Variants in C11orf65 observed in about 807,000 individuals in gnomAD.
C11orf65 encodes the protein chromosome 11 open reading frame 65, also known as protein MFI.
C11orf65 carries 38 observed loss-of-function variants against 35.3 expected under a neutral mutation model. The observed-to-expected ratio is 1.08, with a 90% confidence interval of 0.83 to 1.41. The LOEUF is 1.41. Among genes scored for constraint, C11orf65 ranks in the 40% most tolerant of loss-of-function variants. The probability of loss-of-function intolerance (pLI) is 0.00; values close to 1 mark genes in which losing one functional copy is unlikely to be tolerated. For synonymous variants in C11orf65, 105 were observed against 114.4 expected (o/e 0.92, Z 0.53); for missense variants, 370 against 367.1 (o/e 1.01, Z -0.06).
intron 3 of C11orf65, among the ~76,000 whole-genome samples, chr11:108,422,119 G>A (rs190173088): frequency 3.7e-4 from 57 of 152,068 alleles, no homozygotes; most frequent in African/African-American, 1.3e-3. Flanking sequence ...TAGTAGAGAC[G>A]GGGTTTCACT....
chr11:108,427,515 C>A (rs1309577544), intron 3 of C11orf65, among the ~76,000 whole-genome samples: 3 of 150,814 alleles, frequency 2.0e-5, no homozygotes, highest in Non-Finnish European at 3.0e-5. Context: ...GTCAGGAGAT[C>A]GAGACCATCC....
At chr11:108,339,881 A>G (rs2087314398) in intron 2 of C11orf65, among the ~76,000 whole-genome samples, 1 of 152,186 alleles carries the variant, frequency 6.6e-6, no homozygotes, top group Admixed American at 6.5e-5. Flanking sequence ...GGGAGAGGGC[A>G]TGTAGAATAC....
intron 2 of C11orf65, among the ~76,000 whole-genome samples, chr11:108,372,434 A>C (rs1387722946): frequency 2.0e-5 from 3 of 152,272 alleles, no homozygotes; most frequent in African/African-American, 7.2e-5. Flanking sequence ...CCTCAGTGAT[A>C]TGCCCGCCTC....
chr11:108,448,533 A>C lies in C11orf65; in HGVS notation c.81+12946T>G, dbSNP rs535415662. Reference sequence around the variant, plus strand: ...ATATAAACAGAACCAAAGACAAAAAACACATGATTATCTCAATAGATTCAG... The same window carrying C: ...ATATAAACAGAACCAAAGACAAAAACCACATGATTATCTCAATAGATTCAG... On this transcript the variant is annotated intron_variant, in intron 2 of 8. Coordinates refer to ENST00000393084, the MANE Select transcript of C11orf65 (RefSeq NM_152587.5). Among the ~76,000 whole-genome samples, 391 of 152,266 alleles carry C rather than the reference A, an allele frequency of 2.6e-3. 3 individuals are homozygous for C. The highest frequency in any genetic ancestry group is 9.0e-3 in the African/African-American group (376 of 41,564).
chr11:108,411,737 A>AAAGCTT (rs1247937950), intron 3 of C11orf65, among the ~76,000 whole-genome samples: 2 of 151,866 alleles, frequency 1.3e-5, no homozygotes, highest in African/African-American at 2.4e-5. Context: ...TTTATCCCTT[A>AAAGCTT]AAGCTTAATT....
chr11:108,458,587 C>T lies in C11orf65; in HGVS notation c.81+2892G>A, dbSNP rs554247070. On this transcript the variant is annotated intron_variant, in intron 2 of 8. Coordinates refer to ENST00000393084, the MANE Select transcript of C11orf65 (RefSeq NM_152587.5). ...AGATATCATTGGGTAAAAGGTGTGC[C>T]TGTTTAACATTTGGATAAATATCAC... 2.0e-5 allele frequency among the ~76,000 whole-genome samples: 3 copies of T among 152,172 alleles called. No homozygotes were observed. The East Asian group carries it at 5.8e-4, about 29-fold the overall frequency.
At chr11:108,356,214 A>AAGTT (rs1441539769) in intron 2 of C11orf65, 1 of 152,022 alleles carries the variant, frequency 6.6e-6, no homozygotes, top group Non-Finnish European at 1.5e-5. Context: ...TTAAACTCTA[A>AAGTT]AGTTATATTA....
At chr11:108,333,771 C>T in intron 3 of C11orf65, 1 of 860,788 alleles carries the variant, frequency 1.2e-6, no homozygotes, top group African/African-American at 1.7e-5. Flanking sequence ...TCAATCAGAG[C>T]CTGAACCACA....
intron 2 of C11orf65, among the ~76,000 whole-genome samples, chr11:108,434,261 T>C (rs1486016633): frequency 6.6e-6 from 1 of 152,000 alleles, no homozygotes. Flanking sequence ...TCCCAGCACT[T>C]TGGGAGGCTA....
At position 108,347,282 on chromosome 11, in the gene C11orf65, G is replaced by T. The variant is rs786201911; in HGVS notation, c.227-11990C>A. 1 of 1,605,494 alleles carries T rather than the reference G, an allele frequency of 6.2e-7. No individual in the cohort carries two copies. Among genetic ancestry groups the T allele is most frequent in the Non-Finnish European group, 8.5e-7 (1 of 1,172,482 alleles). On this transcript the variant is annotated intron_variant, in intron 2 of 3. Transcript: ENST00000524755. ...TGTTTGTTTCTTTTTTCTCCAGTTG[G>T]TTACATACTTGGACTTGGTGATAGA...
chr11:108,462,794 A>G (rs1370234753), intron 1 of C11orf65, among the ~76,000 whole-genome samples: 1 of 152,244 alleles, frequency 6.6e-6, no homozygotes, highest in Non-Finnish European at 1.5e-5. Flanking sequence ...ATGCTTTATC[A>G]TAATCCAAAG....
intron 6 of C11orf65, chr11:108,320,197 C>T (rs2085101723): frequency 1.5e-6 from 1 of 685,294 alleles, no homozygotes; most frequent in South Asian, 1.8e-5. Flanking sequence ...CAGATGTTTC[C>T]TTGTAATTCT....
intron 2 of C11orf65, among the ~76,000 whole-genome samples, chr11:108,458,404 C>T (rs1388255418): frequency 6.9e-6 from 1 of 145,594 alleles, no homozygotes; most frequent in Non-Finnish European, 1.5e-5. Context: ...GATCACCAGA[C>T]AGGAAGTCTA....
chr11:108,381,306 G>T (rs1591426752), downstream of C11orf65, among the ~76,000 whole-genome samples: 1 of 152,202 alleles, frequency 6.6e-6, no homozygotes, highest in South Asian at 2.1e-4. Flanking sequence ...CTGAGTCCAT[G>T]TAGCCACTGG....
rs1215387148 is a variant in C11orf65 at position 108,317,349 on chromosome 11, A to G, written c.641-8278T>C. 6 of 1,605,800 alleles carry G rather than the reference A, an allele frequency of 3.7e-6. No individual in the cohort carries two copies. The Admixed American group carries it at 1.0e-4, about 27-fold the overall frequency. ...GTTGATATCTTTGATTACTTAACTT[A>G]AAAACAAAATAACTCCTGTTTAGGC... On this transcript the variant is annotated intron_variant, in intron 6 of 6. Coordinates refer to the C11orf65 transcript ENST00000525729.
intron 6 of C11orf65, among the ~76,000 whole-genome samples, chr11:108,314,152 G>C (rs936242107): frequency 6.6e-6 from 1 of 151,874 alleles, no homozygotes; most frequent in East Asian, 1.9e-4. Context: ...ATCTGGCTCT[G>C]TTGCCCAGGC....
chr11:108,418,666 G>A (rs2092774812), intron 3 of C11orf65, among the ~76,000 whole-genome samples: 1 of 151,910 alleles, frequency 6.6e-6, no homozygotes, highest in South Asian at 2.1e-4. Context: ...AGAAAATGAT[G>A]AGGTAGGACA....
At chr11:108,318,944 G>A (rs1412986189) in intron 6 of C11orf65, among the ~76,000 whole-genome samples, 1 of 152,160 alleles carries the variant, frequency 6.6e-6, no homozygotes, top group Non-Finnish European at 1.5e-5. Context: ...GGAAGGCTGA[G>A]GAGGGTGGAT....
At chr11:108,316,076 C>T (rs2136130435) in intron 6 of C11orf65, 1 of 1,614,116 alleles carries the variant, frequency 6.2e-7, no homozygotes, top group South Asian at 1.1e-5. Context: ...CTCGAAACAG[C>T]AATCCCCTCA....
Sources: gnomAD v4.1 joint callset for allele counts (sites outside exome capture counted in the v4.1 genomes callset) on GRCh38, gnomAD v4.1.1 for gene constraint, MANE v1.5 for transcripts, NCBI Gene and HGNC (gene_info 2026-07-23, HGNC 2026-07-21) for gene names.